Variants in MYRIP observed in about 807,000 individuals in gnomAD.
MYRIP encodes myosin VIIA and Rab interacting protein, also known as rab effector MyRIP.
In MYRIP, 49 loss-of-function variants were observed where a neutral mutation model predicts 98.0. That is an observed-to-expected ratio of 0.50 (90% CI 0.40 to 0.63). The LOEUF is 0.63. MYRIP is among the 30% of genes least tolerant of loss of function. MYRIP has a pLI of 0.00. For synonymous variants in MYRIP, 404 were observed against 409.5 expected, an observed-to-expected ratio of 0.99 and a Z score of 0.16; for missense variants, 1,004 against 1,058.2, an observed-to-expected ratio of 0.95 and a Z score of 0.71.
At chr3:40,204,166 A>T (rs1951718050) in intron 10 of MYRIP, among the ~76,000 whole-genome samples, 9 of 2,088 alleles carry the variant, frequency 4.3e-3, no homozygotes, top group East Asian at 0.083. Flanking sequence ...ATATAATATA[A>T]TATTTATATA....
At chr3:39,811,433 A>T (rs1039041400) in intron 1 of MYRIP, among the ~76,000 whole-genome samples, 1 of 152,156 alleles carries the variant, frequency 6.6e-6, no homozygotes, top group African/African-American at 2.4e-5. Context: ...GAGGTAATTT[A>T]AAAAATTTTA....
At chr3:40,204,224 A>T (rs28517697) in intron 10 of MYRIP, among the ~76,000 whole-genome samples, 40 of 5,344 alleles carry the variant, frequency 7.5e-3, no homozygotes, top group South Asian at 0.054. Context: ...ATTATATATA[A>T]ATATATATAT....
intron 3 of MYRIP, among the ~76,000 whole-genome samples, chr3:40,053,282 T>C (rs1947827554): frequency 6.6e-6 from 1 of 152,124 alleles, no homozygotes; most frequent in Non-Finnish European, 1.5e-5. Flanking sequence ...TCCCAATTAA[T>C]GGGCAATTTA....
chr3:40,067,618 T>C (rs978539320), intron 3 of MYRIP, among the ~76,000 whole-genome samples: 6 of 152,142 alleles, frequency 3.9e-5, no homozygotes, highest in Non-Finnish European at 7.4e-5. Context: ...AAGCTAGGTA[T>C]TGTACTCAGA....
Position 40,258,319 on chromosome 3 carries a change from T to C in MYRIP, c.*153T>C. On this transcript the variant is annotated 3_prime_UTR_variant, in exon 17 of 17. Coordinates refer to ENST00000302541, the MANE Select transcript of MYRIP (RefSeq NM_015460.4). ...CATTGCACAGGGCTGTCCTGATACCTCATCCAGAAAGCCGTCTCAGACTTC... is the reference window on the plus strand; with the variant it reads ...CATTGCACAGGGCTGTCCTGATACCCCATCCAGAAAGCCGTCTCAGACTTC... 1.2e-6 allele frequency: 1 copy of C among 817,846 alleles called. No homozygotes were observed. Among genetic ancestry groups the C allele is most frequent in the Non-Finnish European group, 2.0e-6 (1 of 500,348 alleles). The allele number at this position is 817,846 out of a possible 1,614,324, so 50.7% of individuals were successfully genotyped here.
In MYRIP at chr3:40,260,150, T is replaced by C. The variant is rs2125737513; in HGVS notation, c.*1984T>C. 6.5e-6 allele frequency: 1 copy of C among 152,692 alleles called. No individual in the cohort carries two copies. The highest frequency in any genetic ancestry group is 1.9e-4 in the East Asian group (1 of 5,188). 9.5% of individuals were successfully genotyped at this position (152,692 alleles called of 1,614,324 possible). ...TTTTGATCTTTAGTGTCAATATTTA[T>C]ATTTAGATTAATTTTTATAAATGAA... On this transcript the variant is annotated 3_prime_UTR_variant, in exon 17 of 17. Transcript: ENST00000302541.
chr3:40,122,762 A>G (rs560364291), intron 3 of MYRIP, among the ~76,000 whole-genome samples: 13 of 152,236 alleles, frequency 8.5e-5, no homozygotes, highest in African/African-American at 3.1e-4. Context: ...ATAAGCCTAT[A>G]ATATATAATA....
At chr3:39,964,789 ATG>A (rs1945401875) in intron 2 of MYRIP, among the ~76,000 whole-genome samples, 1 of 152,182 alleles carries the variant, frequency 6.6e-6, no homozygotes, top group South Asian at 2.1e-4. Context: ...AGTCATTTTT[ATG>A]GGCCATGACA....
At chr3:39,848,425 A>G (rs1481916392) in intron 1 of MYRIP, among the ~76,000 whole-genome samples, 1 of 152,118 alleles carries the variant, frequency 6.6e-6, no homozygotes, top group Non-Finnish European at 1.5e-5. Flanking sequence ...CATTTTTAAG[A>G]AAGAAAGTAG....
intron 16 of MYRIP, among the ~76,000 whole-genome samples, chr3:40,254,303 GAGGGT>G (rs1953497559): frequency 2.0e-5 from 3 of 152,224 alleles, no homozygotes; most frequent in East Asian, 3.9e-4. Context: ...CATGTAAGAG[GAGGGT>G]AGGGAAAAAT....
chr3:39,932,210 TTG>T (rs1317032203), intron 2 of MYRIP, among the ~76,000 whole-genome samples: 3 of 152,160 alleles, frequency 2.0e-5, no homozygotes, highest in Non-Finnish European at 4.4e-5. Flanking sequence ...TCCAAAACTC[TTG>T]TCTTACCTGG....
intron 1 of MYRIP, among the ~76,000 whole-genome samples, chr3:39,841,501 G>A (rs533074446): frequency 4.6e-5 from 7 of 152,094 alleles, no homozygotes; most frequent in South Asian, 2.1e-4. Context: ...CCTTGCTGGC[G>A]AGGAGTTGTG....
rs1017980411 is a variant in MYRIP at position 39,971,569 on chromosome 3, G to C, written c.110+70643G>C. On this transcript the variant is annotated intron_variant, in intron 2 of 16. Coordinates refer to ENST00000302541, the MANE Select transcript of MYRIP (RefSeq NM_015460.4). ...GGTTCAAAAGGTATCTGTTGTCCTT[G>C]CACAAAAGAAATCTGTACCTTCAAG... Among the ~76,000 whole-genome samples the C allele has an allele frequency of 2.6e-5, 4 of 151,948 alleles. No homozygotes were observed. In the South Asian group the frequency reaches 8.3e-4, roughly 32 times the overall value.
chr3:40,232,180 G>C (rs1467766031), intron 11 of MYRIP, among the ~76,000 whole-genome samples: 2 of 152,168 alleles, frequency 1.3e-5, no homozygotes, highest in African/African-American at 2.4e-5. Flanking sequence ...AAAGCCCCCT[G>C]AACCAACAGA....
intron 1 of MYRIP, among the ~76,000 whole-genome samples, chr3:39,814,238 T>A (rs1328173897): frequency 6.6e-6 from 1 of 152,208 alleles, no homozygotes; most frequent in Non-Finnish European, 1.5e-5. Context: ...TGTGTTGGAG[T>A]TCCTTGTATT....
chr3:40,088,997 G>GT (rs1181075149), intron 3 of MYRIP, among the ~76,000 whole-genome samples: 2 of 152,018 alleles, frequency 1.3e-5, no homozygotes, highest in South Asian at 2.1e-4. Flanking sequence ...TGCAGAGGGT[G>GT]TGGGGGAGGG....
chr3:39,903,877 T>C (rs1193817365), intron 2 of MYRIP, among the ~76,000 whole-genome samples: 1 of 152,232 alleles, frequency 6.6e-6, no homozygotes, highest in Non-Finnish European at 1.5e-5. Context: ...CCTCCCTCCT[T>C]AAAATAATTC....
Position 40,204,000 on chromosome 3 carries a change from T to TTATATATTATATACATTA in MYRIP, c.1666-5841_1666-5840insCATTATATATATTATATA, listed in dbSNP as rs1951681924. 4.5e-3 allele frequency among the ~76,000 whole-genome samples: 3 copies of TTATATATTATATACATTA among 660 alleles called. 1 individual carries two copies. The highest frequency in any genetic ancestry group is 0.017 in the Non-Finnish European group (3 of 180). The allele number at this position is 660 out of a possible 152,430, so 0.4% of individuals were successfully genotyped here. A position where few individuals can be genotyped will look rare whatever the true frequency, so the allele number is the denominator to read the frequency against. On this transcript the variant is annotated intron_variant, in intron 10 of 16. Transcript: ENST00000302541. Reference sequence around the variant, plus strand: ...TTATATATAATATATATTATATATATTATATATTATATATAATATATATTA... The same window carrying TTATATATTATATACATTA: ...TTATATATAATATATATTATATATATTATATATTATATACATTATATATATTATATATAATATATATTA...
intron 2 of MYRIP, among the ~76,000 whole-genome samples, chr3:39,911,544 T>G (rs1944021616): frequency 6.6e-6 from 1 of 152,240 alleles, no homozygotes; most frequent in African/African-American, 2.4e-5. Flanking sequence ...CCTTCATTTC[T>G]TAGACCTCTG....
Sources: gnomAD v4.1 joint callset for allele counts (sites outside exome capture counted in the v4.1 genomes callset) on GRCh38, gnomAD v4.1.1 for gene constraint, MANE v1.5 for transcripts, NCBI Gene and HGNC (gene_info 2026-07-23, HGNC 2026-07-21) for gene names.